Variants in DCHS2 observed in about 807,000 individuals in gnomAD.
The protein encoded by DCHS2 is protocadherin-23.
In DCHS2, 142 loss-of-function variants were observed where a neutral mutation model predicts 182.4. The ratio of observed to expected loss-of-function variants is 0.78; its 90% CI spans 0.68 to 0.89. The LOEUF (loss-of-function observed/expected upper bound fraction) is 0.89, where lower values mean the gene tolerates loss of function less well. Among genes scored for constraint, DCHS2 ranks in the 40% least tolerant of loss-of-function variants. DCHS2 has a pLI of 0.00. For missense variants in DCHS2, 4,319 were observed against 4,198.6 expected (o/e 1.03, Z -0.79); for synonymous variants, 1,740 against 1,663.3 (o/e 1.05, Z -1.12).
intron 5 of DCHS2, among the ~76,000 whole-genome samples, 187 bp from the exon 6 acceptor site, chr4:154,329,897 C>T (rs1407143706): frequency 2.6e-5 from 4 of 152,324 alleles, no homozygotes; most frequent in Non-Finnish European, 5.9e-5. Context: ...CTGAAAATGT[C>T]ACTTTAAATT....
Position 154,491,380 on chromosome 4 carries a change from C to T in DCHS2, c.-25G>A, listed in dbSNP as rs143785149. ...TTTCTCCTCCAGCTCCTTGGGAAGGCTCTCGGGTAACTGCCAGCTTGTGGC... is the reference window on the plus strand; with the variant it reads ...TTTCTCCTCCAGCTCCTTGGGAAGGTTCTCGGGTAACTGCCAGCTTGTGGC... On this transcript the variant is annotated 5_prime_UTR_variant, in exon 1 of 20. Coordinates refer to ENST00000357232, the MANE Select transcript of DCHS2 (RefSeq NM_001358235.2). 19 of 1,482,084 alleles carry T rather than the reference C, an allele frequency of 1.3e-5. No homozygotes were observed. The African/African-American group carries it at 2.7e-4, about 21-fold the overall frequency. 91.8% of individuals were successfully genotyped at this position (1,482,084 alleles called of 1,614,324 possible). A position where few individuals can be genotyped will look rare whatever the true frequency, so the allele number is the denominator to read the frequency against.
chr4:154,311,080 T>TAAA (rs1250197679), intron 10 of DCHS2, among the ~76,000 whole-genome samples: 1 of 152,066 alleles, frequency 6.6e-6, no homozygotes, highest in Non-Finnish European at 1.5e-5. Context: ...TATCCTAGAG[T>TAAA]AAAAGGTGGG....
rs59154846 is a variant in DCHS2 at position 154,319,656 on chromosome 4, T to TAAA, written c.5020+720_5020+722dup. 4.5e-4 allele frequency among the ~76,000 whole-genome samples: 53 copies of TAAA among 116,916 alleles called. 1 individual carries two copies. Among genetic ancestry groups the TAAA allele is most frequent in the African/African-American group, 1.1e-3 (33 of 31,044 alleles). 76.7% of individuals were successfully genotyped at this position (116,916 alleles called of 152,430 possible). ...TTATACCTGTTAGGATGGCTGTTACTAAAAAAAAAAAAAAAAAAAAAAAAG... is the reference window on the plus strand; with the variant it reads ...TTATACCTGTTAGGATGGCTGTTACTAAAAAAAAAAAAAAAAAAAAAAAAAAAG... On this transcript the variant is annotated intron_variant, in intron 9 of 19. Coordinates refer to ENST00000357232, the MANE Select transcript of DCHS2 (RefSeq NM_001358235.2).
chr4:154,376,293 C>T (rs6820245), intron 2 of DCHS2, among the ~76,000 whole-genome samples: 5,627 of 152,034 alleles, frequency 0.037, 321 homozygotes, highest in African/African-American at 0.13. Context: ...ACTGAAGGTG[C>T]CTTCACTGAT....
chr4:154,347,250 A>G (rs570872692), intron 3 of DCHS2, among the ~76,000 whole-genome samples: 1 of 149,326 alleles, frequency 6.7e-6, no homozygotes, highest in East Asian at 1.9e-4. Flanking sequence ...TCCTACATAA[A>G]CCTGGCATCC....
chr4:154,334,789 T>G (rs750853899), intron 4 of DCHS2, 79 bp downstream of exon 4: 1 of 1,159,760 alleles, frequency 8.6e-7, no homozygotes, highest in Non-Finnish European at 1.3e-6. Flanking sequence ...AAAAAATTAT[T>G]CAAGATTGTA....
chr4:154,439,008 A>C (rs1183268878), intron 1 of DCHS2, among the ~76,000 whole-genome samples: 2 of 152,158 alleles, frequency 1.3e-5, no homozygotes, highest in African/African-American at 4.8e-5. Context: ...AGATTGTACT[A>C]TGTATTTTCT....
At chr4:154,480,376 A>T (rs191530008) in intron 1 of DCHS2, among the ~76,000 whole-genome samples, 1 of 152,366 alleles carries the variant, frequency 6.6e-6, no homozygotes. Flanking sequence ...AGCTTTGAAA[A>T]GTTGGAGGAC....
intron 1 of DCHS2, among the ~76,000 whole-genome samples, chr4:154,398,003 T>C (rs1180216879): frequency 7.9e-5 from 12 of 152,160 alleles, no homozygotes; most frequent in Admixed American, 6.5e-4. Context: ...AGTTAATAAA[T>C]AGACCAAGGA....
At chr4:154,347,045 A>G (rs1578992744) in intron 3 of DCHS2, among the ~76,000 whole-genome samples, 1 of 151,690 alleles carries the variant, frequency 6.6e-6, no homozygotes, top group Non-Finnish European at 1.5e-5. Context: ...GGATATAATC[A>G]TTATTTCAGT....
intron 3 of DCHS2, among the ~76,000 whole-genome samples, chr4:154,337,786 G>T (rs543061105): frequency 6.6e-6 from 1 of 152,026 alleles, no homozygotes; most frequent in South Asian, 2.1e-4. Context: ...TGTTGCCCAG[G>T]TTGGAGTACA....
chr4:154,290,430 T>A (rs932266656), intron 13 of DCHS2, among the ~76,000 whole-genome samples: 2 of 151,914 alleles, frequency 1.3e-5, no homozygotes, highest in African/African-American at 4.8e-5. Flanking sequence ...TTCATAGAAA[T>A]AGAAAAAATC....
chr4:154,274,412 C>T (rs2111216515), intron 13 of DCHS2, among the ~76,000 whole-genome samples: 1 of 152,258 alleles, frequency 6.6e-6, no homozygotes, highest in African/African-American at 2.4e-5. Context: ...TTAGATTGTG[C>T]TACTAATTTG....
At chr4:154,426,780 ATAAACT>A (rs1290017822) in intron 1 of DCHS2, among the ~76,000 whole-genome samples, 7 of 151,708 alleles carry the variant, frequency 4.6e-5, no homozygotes, top group East Asian at 3.9e-4. Flanking sequence ...CAAAATAAAA[ATAAACT>A]TAAAAATAAA....
rs1364825124 is a variant in DCHS2 at position 154,409,915 on chromosome 4, TTGCAG to T, written c.2053-32476_2053-32472del. On this transcript the variant is annotated intron_variant, in intron 1 of 19. Transcript: ENST00000357232. ...ACACCATAGTCATCACTGACATTGA[TTGCAG>T]CTGAAGAACCTGCACAGATGCTATA... Among the ~76,000 whole-genome samples the T allele has an allele frequency of 2.6e-5, 4 of 152,220 alleles. No homozygotes were observed. The East Asian group carries it at 7.7e-4, about 29-fold the overall frequency.
At chr4:154,358,174 T>C (rs1729959744) in intron 3 of DCHS2, among the ~76,000 whole-genome samples, 1 of 152,198 alleles carries the variant, frequency 6.6e-6, no homozygotes, top group Non-Finnish European at 1.5e-5. Context: ...ACTTATATTT[T>C]AATTTCTCAT....
intron 16 of DCHS2, among the ~76,000 whole-genome samples, chr4:154,243,350 A>T (rs1731925829): frequency 6.6e-6 from 1 of 152,194 alleles, no homozygotes; most frequent in Admixed American, 6.5e-5. Flanking sequence ...AAAGTCCATG[A>T]TCTGAAAGAA....
intron 1 of DCHS2, among the ~76,000 whole-genome samples, chr4:154,387,791 G>A (rs954787533): frequency 2.0e-5 from 3 of 152,050 alleles, no homozygotes; most frequent in Admixed American, 6.5e-5. Flanking sequence ...AAATGTTAAT[G>A]TCCTTAATGT....
chr4:154,333,765 TC>T, intron 4 of DCHS2: 1 of 433,220 alleles, frequency 2.3e-6, no homozygotes, highest in Non-Finnish European at 4.1e-6. Flanking sequence ...CTAGGAGCAA[TC>T]GACTGTAACA....
Sources: allele counts gnomAD v4.1 joint callset (sites outside exome capture counted in the v4.1 genomes callset), GRCh38; gene constraint gnomAD v4.1.1; transcripts MANE v1.5; gene names NCBI Gene and HGNC (gene_info 2026-07-23, HGNC 2026-07-21).